Variants in ACAP2 observed in about 807,000 individuals in gnomAD.
The protein encoded by ACAP2 is arf-GAP with coiled-coil, ANK repeat and PH domain-containing protein 2.
In ACAP2, 39 loss-of-function variants were observed where a neutral mutation model predicts 115.8. The ratio of observed to expected loss-of-function variants is 0.34; its 90% CI spans 0.26 to 0.44. The LOEUF is 0.44. Ranked by LOEUF, ACAP2 falls within the 20% of genes least tolerant of loss-of-function variation. The probability of loss-of-function intolerance (pLI) is 1.00; values close to 1 mark genes in which losing one functional copy is unlikely to be tolerated. For synonymous variants in ACAP2, 289 were observed against 315.8 expected (o/e 0.92, Z 0.90); for missense variants, 662 against 927.6 (o/e 0.71, Z 3.72).
At chr3:195,331,340 T>G (rs1577312668) in intron 8 of ACAP2, among the ~76,000 whole-genome samples, 2 of 77,480 alleles carry the variant, frequency 2.6e-5, no homozygotes, top group Non-Finnish European at 2.6e-5. Flanking sequence ...TTTCTTTTCC[T>G]TTTTTTTTTG....
At chr3:195,390,623 C>T (rs1333139676) in intron 2 of ACAP2, among the ~76,000 whole-genome samples, 1 of 152,132 alleles carries the variant, frequency 6.6e-6, no homozygotes. Context: ...AATCCGGTTA[C>T]AAACACAAAA....
Position 195,398,427 on chromosome 3 carries a change from G to A in ACAP2, c.54-6280C>T, listed in dbSNP as rs112352550. On this transcript the variant is annotated intron_variant, in intron 1 of 22. Transcript: ENST00000326793. ...TGGGAGGCCAAGGCAGGTAGATCAC[G>A]GGAGGTCAGGAGTTCGAGGCCAGCC... Among the ~76,000 whole-genome samples the A allele has an allele frequency of 2.4e-4, 37 of 151,924 alleles. 1 individual carries two copies. The highest frequency in any genetic ancestry group is 8.7e-4 in the African/African-American group (36 of 41,472).
At chr3:195,403,374 G>C (rs550875514) in intron 1 of ACAP2, among the ~76,000 whole-genome samples, 114 of 152,340 alleles carry the variant, frequency 7.5e-4, no homozygotes, top group African/African-American at 2.7e-3. Flanking sequence ...GTCTGCACCA[G>C]AGAAGAACCA....
chr3:195,431,439 T>G (rs1715115218), intron 1 of ACAP2, among the ~76,000 whole-genome samples: 1 of 151,802 alleles, frequency 6.6e-6, no homozygotes, highest in Admixed American at 6.6e-5. Context: ...TATGTTTAAC[T>G]TTTCTTTTTT....
intron 4 of ACAP2, among the ~76,000 whole-genome samples, chr3:195,373,108 C>CAATGACTACAAGATGTAAA (rs1381725154): frequency 6.7e-6 from 1 of 148,582 alleles, no homozygotes; most frequent in Non-Finnish European, 1.5e-5. Context: ...GTGTAGCTAA[C>CAATGACTACAAGATGTAAA]AATGACTACA....
rs12491026 is a variant in ACAP2, at chr3:195,306,610, G to A, written c.1017C>T (p.Cys339=). ...GCTTTTCGGAATCTGCCTGGAGCATGCAACTTCTAAAAGGAAATAACATAT... is the reference window on the plus strand; with the variant it reads ...GCTTTTCGGAATCTGCCTGGAGCATACAACTTCTAAAAGGAAATAACATAT... ...CFEVVSPTKS[C]MLQADSEKLR... The change falls in exon 13 of 23, where the codon TGC becomes TGT. Residue 339 remains cysteine, a synonymous_variant. Transcript: ENST00000326793. The A allele has an allele frequency of 0.027, 42,903 of 1,609,944 alleles. 1,452 individuals carry two copies. Among genetic ancestry groups the A allele is most frequent in the Admixed American group, 0.1 (6,223 of 59,302 alleles).
intron 13 of ACAP2, 79 bp downstream of exon 13, chr3:195,306,432 C>G (rs1316961942): frequency 4.1e-6 from 3 of 733,156 alleles, no homozygotes; most frequent in Middle Eastern, 2.4e-4. Flanking sequence ...AACGATGCTA[C>G]ATACAGTCAT....
chr3:195,372,189 A>C (rs939625189), intron 4 of ACAP2, among the ~76,000 whole-genome samples: 1 of 152,200 alleles, frequency 6.6e-6, no homozygotes, highest in African/African-American at 2.4e-5. Context: ...AGAACTGTAA[A>C]CGTACCAGCC....
intron 4 of ACAP2, among the ~76,000 whole-genome samples, chr3:195,348,779 A>G (rs200508817): frequency 6.6e-6 from 1 of 152,324 alleles, no homozygotes; most frequent in East Asian, 1.9e-4. Flanking sequence ...TGATTTTTAA[A>G]AACTCTCAGG....
chr3:195,416,323 T>C (rs530980252), intron 1 of ACAP2, among the ~76,000 whole-genome samples: 2 of 148,294 alleles, frequency 1.3e-5, no homozygotes, highest in Non-Finnish European at 3.0e-5. Context: ...TCTGGCCTGG[T>C]GACAGAGCAA....
chr3:195,353,283 C>G (rs1367075952), intron 4 of ACAP2, among the ~76,000 whole-genome samples: 2 of 152,126 alleles, frequency 1.3e-5, no homozygotes, highest in East Asian at 1.9e-4. Flanking sequence ...CTCCCAAATT[C>G]CTGGCCCAGA....
chr3:195,355,288 T>TC, intron 4 of ACAP2, among the ~76,000 whole-genome samples: 1 of 150,726 alleles, frequency 6.6e-6, no homozygotes, highest in East Asian at 1.9e-4. Flanking sequence ...CTTCTTTTTT[T>TC]TTTTTTTTTT....
intron 4 of ACAP2, among the ~76,000 whole-genome samples, chr3:195,377,136 A>ATTTTTT (rs1478091442): frequency 6.7e-5 from 6 of 89,698 alleles, no homozygotes; most frequent in African/African-American, 2.8e-4. Flanking sequence ...AGGAATGTAA[A>ATTTTTT]TCTTTTTTTT....
intron 1 of ACAP2, among the ~76,000 whole-genome samples, chr3:195,440,451 G>A (rs1216325783): frequency 6.6e-6 from 1 of 152,152 alleles, no homozygotes; most frequent in Admixed American, 6.5e-5. Context: ...TAATTCTACA[G>A]CACCAAGACA....
intron 1 of ACAP2, among the ~76,000 whole-genome samples, chr3:195,398,200 C>CT (rs1057335385): frequency 1.3e-5 from 2 of 152,136 alleles, no homozygotes; most frequent in African/African-American, 2.4e-5. Flanking sequence ...AAGGAAGGTT[C>CT]TATCCAACTC....
At chr3:195,333,268 CA>C (rs1392027949) in intron 7 of ACAP2, 145 bp from the exon 8 acceptor site, 1 of 375,702 alleles carries the variant, frequency 2.7e-6, no homozygotes, top group Non-Finnish European at 4.6e-6. Flanking sequence ...GTGGCATGGA[CA>C]CAGTTCACTG....
chr3:195,279,353 A>G lies in ACAP2; in HGVS notation c.2312T>C (p.Phe771Ser). 2 of 1,604,446 alleles carry G rather than the reference A, an allele frequency of 1.2e-6. No individual in the cohort carries two copies. The highest frequency in any genetic ancestry group is 1.7e-6 in the Non-Finnish European group (2 of 1,177,064). ...TCAGAATTTCTGTGAATCTTGCTGG[A>G]AACGATTTAGTTTCTCTGGATTATT... is the stretch of plus-strand genomic sequence containing the variant. ...ASNNPEKLNRFQQDSQKF is the reference protein window; with the variant it reads ...ASNNPEKLNRSQQDSQKF The change falls in exon 23 of 23, where the codon TTC (phenylalanine) becomes TCC (serine). Residue 771 changes from phenylalanine to serine, a missense_variant. By Grantham distance (155) the Phe-to-Ser change is radical (BLOSUM62 -2). Transcript: ENST00000326793.
intron 15 of ACAP2, among the ~76,000 whole-genome samples, chr3:195,301,074 C>A (rs1393378922): frequency 1.3e-5 from 2 of 148,398 alleles, no homozygotes; most frequent in African/African-American, 2.5e-5. Flanking sequence ...TAAATATAGC[C>A]TTTTTTTTTT....
At chr3:195,349,777 G>T in intron 4 of ACAP2, 1 of 303,564 alleles carries the variant, frequency 3.3e-6, no homozygotes, top group South Asian at 3.3e-5. Context: ...CAAGAAGCAT[G>T]GCCCTCAGGC....
Sources: gnomAD v4.1 joint callset for allele counts (sites outside exome capture counted in the v4.1 genomes callset) on GRCh38, gnomAD v4.1.1 for gene constraint, MANE v1.5 for transcripts, NCBI Gene and HGNC (gene_info 2026-07-23, HGNC 2026-07-21) for gene names.